Variants in CSMD1 observed in about 807,000 individuals in gnomAD.
CSMD1 encodes the protein CUB and Sushi multiple domains 1.
Under a neutral mutation model 417.5 loss-of-function variants are expected in CSMD1, and 213 were observed. The ratio of observed to expected loss-of-function variants is 0.51; its 90% CI spans 0.46 to 0.57. The LOEUF (loss-of-function observed/expected upper bound fraction) is 0.57, where lower values mean the gene tolerates loss of function less well. Among genes scored for constraint, CSMD1 ranks in the 20% least tolerant of loss-of-function variants. CSMD1 has a pLI of 0.00. For missense variants in CSMD1, 6,923 were observed against 4,529.7 expected (o/e 1.53, Z -15.17); for synonymous variants, 2,862 against 1,736.8 (o/e 1.65, Z -16.11).
chr8:4,833,872 T>C (rs764652664), intron 1 of CSMD1, among the ~76,000 whole-genome samples: 1 of 152,172 alleles, frequency 6.6e-6, no homozygotes, highest in Non-Finnish European at 1.5e-5. Flanking sequence ...CTAGTGAAGG[T>C]TGTAAATAAC....
intron 5 of CSMD1, among the ~76,000 whole-genome samples, chr8:3,844,024 T>C (rs1462303601): frequency 6.6e-6 from 1 of 152,228 alleles, no homozygotes; most frequent in Non-Finnish European, 1.5e-5. Context: ...GTAGTCATTG[T>C]TATTACAATG....
At chr8:4,374,590 G>T (rs990508477) in intron 3 of CSMD1, among the ~76,000 whole-genome samples, 4 of 152,102 alleles carry the variant, frequency 2.6e-5, no homozygotes, top group African/African-American at 9.7e-5. Context: ...GGGAAGACAA[G>T]GGAAGCAGCT....
At chr8:4,908,877 T>C (rs1183206672) in intron 1 of CSMD1, among the ~76,000 whole-genome samples, 1 of 152,204 alleles carries the variant, frequency 6.6e-6, no homozygotes, top group Non-Finnish European at 1.5e-5. Context: ...ATAATTGTTC[T>C]AAATTCCCTG....
intron 3 of CSMD1, among the ~76,000 whole-genome samples, chr8:4,269,988 C>T (rs1804478042): frequency 1.3e-5 from 2 of 152,142 alleles, no homozygotes; most frequent in South Asian, 4.1e-4. Context: ...TTGACCTGAG[C>T]TTGGGGCCAT....
At position 4,934,785 on chromosome 8, in the gene CSMD1, A is replaced by G. The variant is rs76858039; in HGVS notation, c.85+59547T>C. Among the ~76,000 whole-genome samples, 1,251 of 152,024 alleles carry G rather than the reference A, an allele frequency of 8.2e-3. 17 individuals carry two copies. Among genetic ancestry groups the G allele is most frequent in the East Asian group, 0.026 (132 of 5,154 alleles). ...CCTATACTATAGGTATCATCTATCA[A>G]TCATCTATTATCTATAAACCTACCT... On this transcript the variant is annotated intron_variant, in intron 1 of 69. Transcript: ENST00000635120.
At chr8:3,309,049 C>T (rs35804722) in intron 23 of CSMD1, among the ~76,000 whole-genome samples, 7,387 of 152,092 alleles carry the variant, frequency 0.049, 247 homozygotes, top group East Asian at 0.11. Context: ...TTCCGGAGTT[C>T]CACAACTTCA....
chr8:3,595,755 C>T (rs886435421), intron 8 of CSMD1, among the ~76,000 whole-genome samples: 11 of 152,162 alleles, frequency 7.2e-5, no homozygotes, highest in Non-Finnish European at 1.2e-4. Flanking sequence ...TGTAAACCTG[C>T]CATTTGCTAA....
intron 3 of CSMD1, among the ~76,000 whole-genome samples, chr8:4,067,356 A>G (rs1304699104): frequency 6.6e-6 from 1 of 152,262 alleles, no homozygotes; most frequent in Non-Finnish European, 1.5e-5. Context: ...AGGGAATTTT[A>G]AAGTGATTCG....
At chr8:4,116,966 A>G (rs1563144602) in intron 3 of CSMD1, among the ~76,000 whole-genome samples, 1 of 152,058 alleles carries the variant, frequency 6.6e-6, no homozygotes, top group Admixed American at 6.6e-5. Flanking sequence ...TCAGGCTGGT[A>G]AGAGGCTACA....
At chr8:4,628,973 A>T (rs145352196) in intron 2 of CSMD1, among the ~76,000 whole-genome samples, 2 of 152,204 alleles carry the variant, frequency 1.3e-5, no homozygotes, top group African/African-American at 4.8e-5. Flanking sequence ...TATATGTGAG[A>T]GATCTTCTCA....
chr8:4,781,547 A>T (rs1797153117), intron 1 of CSMD1, among the ~76,000 whole-genome samples: 1 of 152,216 alleles, frequency 6.6e-6, no homozygotes, highest in Admixed American at 6.5e-5. Flanking sequence ...GGCCAATAGG[A>T]TAATAAAAGT....
At chr8:3,227,878 G>A (rs1050608501) in intron 27 of CSMD1, among the ~76,000 whole-genome samples, 5 of 150,740 alleles carry the variant, frequency 3.3e-5, no homozygotes, top group African/African-American at 7.3e-5. Flanking sequence ...AGTGATTCTC[G>A]TGCCTCAGCC....
intron 18 of CSMD1, among the ~76,000 whole-genome samples, chr8:3,382,909 A>C (rs1810728181): frequency 6.6e-6 from 1 of 152,174 alleles, no homozygotes; most frequent in South Asian, 2.1e-4. Context: ...TTAAAAACTA[A>C]GATTTCTCAA....
chr8:3,295,824 A>G (rs938705197), intron 25 of CSMD1, among the ~76,000 whole-genome samples: 2 of 152,172 alleles, frequency 1.3e-5, no homozygotes, highest in Non-Finnish European at 2.9e-5. Flanking sequence ...GATCACTCAT[A>G]AAGTTGATCA....
At chr8:3,498,564 T>G (rs190238119) in intron 10 of CSMD1, among the ~76,000 whole-genome samples, 1 of 152,332 alleles carries the variant, frequency 6.6e-6, no homozygotes, top group East Asian at 1.9e-4. Flanking sequence ...TGAGAAGTTT[T>G]CAGCTGTTAT....
intron 5 of CSMD1, among the ~76,000 whole-genome samples, chr8:3,911,706 C>A (rs1808479377): frequency 6.6e-6 from 1 of 152,094 alleles, no homozygotes; most frequent in Admixed American, 6.5e-5. Context: ...CCAGGCTCGC[C>A]TATCAAACTC....
chr8:4,025,374 C>A (rs904769108), intron 4 of CSMD1, among the ~76,000 whole-genome samples: 2 of 152,160 alleles, frequency 1.3e-5, no homozygotes, highest in Non-Finnish European at 2.9e-5. Context: ...CCCTGTAGGA[C>A]CCTAGATCTC....
At chr8:4,654,025 A>G (rs985090042) in intron 1 of CSMD1, among the ~76,000 whole-genome samples, 1 of 152,104 alleles carries the variant, frequency 6.6e-6, no homozygotes, top group African/African-American at 2.4e-5. Flanking sequence ...ACCTGAATTG[A>G]CTTCAGATGT....
intron 6 of CSMD1, among the ~76,000 whole-genome samples, chr8:3,734,569 G>C (rs1221138210): frequency 6.6e-6 from 1 of 152,134 alleles, no homozygotes; most frequent in East Asian, 1.9e-4. Context: ...AAAATAGCTA[G>C]GCCTGGTGGC....
Sources: allele counts gnomAD v4.1 joint callset (sites outside exome capture counted in the v4.1 genomes callset), GRCh38; gene constraint gnomAD v4.1.1; transcripts MANE v1.5; gene names NCBI Gene and HGNC (gene_info 2026-07-23, HGNC 2026-07-21).